Variants in VEPH1 observed in about 807,000 individuals in gnomAD.
VEPH1 encodes the protein ventricular zone expressed PH domain containing 1, also known as ventricular zone-expressed PH domain-containing protein homolog 1.
In VEPH1, 80 loss-of-function variants were observed where a neutral mutation model predicts 85.2. The ratio of observed to expected loss-of-function variants is 0.94; its 90% CI spans 0.78 to 1.13. The LOEUF (loss-of-function observed/expected upper bound fraction) is 1.13, where lower values mean the gene tolerates loss of function less well. Ranked by LOEUF, VEPH1 falls within the 50% of genes most tolerant of loss-of-function variation. VEPH1 has a pLI of 0.00. For missense variants in VEPH1, 955 were observed against 980.5 expected (o/e 0.97, Z 0.35); for synonymous variants, 297 against 348.0 (o/e 0.85, Z 1.63).
At chr3:157,462,121 T>G (rs1306596393) in intron 3 of VEPH1, among the ~76,000 whole-genome samples, 1 of 149,116 alleles carries the variant, frequency 6.7e-6, no homozygotes, top group Non-Finnish European at 1.5e-5. Context: ...TTCCAATCCA[T>G]AAGAAAAAGA....
rs114873062 is a variant in VEPH1 at position 157,498,350 on chromosome 3, G to A, written c.-157-2844C>T. Reference sequence around the variant, plus strand: ...CATCAGGGTGTTTTGAGGGTCACAGGTGATAAAGTGTAAACGAGCCCTTTA... The same window carrying A: ...CATCAGGGTGTTTTGAGGGTCACAGATGATAAAGTGTAAACGAGCCCTTTA... On this transcript the variant is annotated intron_variant, in intron 1 of 13. Coordinates refer to ENST00000362010, the MANE Select transcript of VEPH1 (RefSeq NM_001167912.2). Among the ~76,000 whole-genome samples the A allele has an allele frequency of 2.7e-3, 418 of 152,296 alleles. 1 individual carries two copies. The highest frequency in any genetic ancestry group is 4.3e-3 in the Non-Finnish European group (291 of 68,036).
intron 6 of VEPH1, among the ~76,000 whole-genome samples, chr3:157,396,857 C>T (rs115789080): frequency 0.011 from 1,678 of 152,038 alleles, 15 homozygotes; most frequent in Middle Eastern, 0.054. Context: ...TTTTGTCAGA[C>T]GGATAGATTG....
chr3:157,434,723 T>G (rs1577646246), intron 4 of VEPH1, among the ~76,000 whole-genome samples: 1 of 152,244 alleles, frequency 6.6e-6, no homozygotes, highest in Middle Eastern at 3.2e-3. Flanking sequence ...AATATTGTAC[T>G]TTTAACTTAT....
At chr3:157,499,210 C>T (rs1241821923) in intron 1 of VEPH1, among the ~76,000 whole-genome samples, 1 of 149,220 alleles carries the variant, frequency 6.7e-6, no homozygotes, top group African/African-American at 2.5e-5. Flanking sequence ...CTTCCCTAAT[C>T]TTTAAGGGGT....
At chr3:157,496,081 A>C (rs1171282032) in intron 1 of VEPH1, among the ~76,000 whole-genome samples, 1 of 152,248 alleles carries the variant, frequency 6.6e-6, no homozygotes, top group Non-Finnish European at 1.5e-5. Context: ...AGTAGCAATA[A>C]AATAAAGATG....
chr3:157,261,087 A>G lies in VEPH1; in HGVS notation c.*47T>C. 1 of 1,600,932 alleles carries G rather than the reference A, an allele frequency of 6.2e-7. No homozygotes were observed. Among genetic ancestry groups the G allele is most frequent in the South Asian group, 1.1e-5 (1 of 89,580 alleles). On this transcript the variant is annotated 3_prime_UTR_variant, in exon 14 of 14. Transcript: ENST00000362010. The stretch of plus-strand genomic sequence containing the variant: ...TCTTTTTCTTGACATTGGCAATGAT[A>G]ATACAATGCCTGTGGTGTATAATTG...
chr3:157,421,464 A>T (rs1300125374), intron 5 of VEPH1, among the ~76,000 whole-genome samples: 1 of 152,194 alleles, frequency 6.6e-6, no homozygotes, highest in Non-Finnish European at 1.5e-5. Flanking sequence ...CAGTTTCACA[A>T]AGTCAAAACC....
intron 9 of VEPH1, among the ~76,000 whole-genome samples, chr3:157,354,746 T>C (rs1725243208): frequency 1.3e-5 from 2 of 152,192 alleles, no homozygotes; most frequent in African/African-American, 4.8e-5. Flanking sequence ...AGAGATTTGC[T>C]TTTGTTTGCT....
intron 1 of VEPH1, among the ~76,000 whole-genome samples, chr3:157,502,413 A>G (rs944916622): frequency 2.6e-4 from 40 of 152,216 alleles, no homozygotes; most frequent in African/African-American, 8.9e-4. Context: ...GTGACTTGTC[A>G]TAATTTTATA....
intron 6 of VEPH1, among the ~76,000 whole-genome samples, chr3:157,403,324 C>T (rs963632243): frequency 1.3e-5 from 2 of 152,102 alleles, no homozygotes; most frequent in Non-Finnish European, 2.9e-5. Flanking sequence ...TGTGATATTC[C>T]GTGTAAACCA....
intron 7 of VEPH1, among the ~76,000 whole-genome samples, chr3:157,380,834 C>T (rs1728676663): frequency 6.6e-6 from 1 of 152,198 alleles, no homozygotes; most frequent in African/African-American, 2.4e-5. Context: ...ACATAGTAAG[C>T]TATGTTTGAC....
intron 3 of VEPH1, among the ~76,000 whole-genome samples, chr3:157,467,360 G>A (rs1736487253): frequency 2.0e-5 from 3 of 151,818 alleles, no homozygotes; most frequent in Admixed American, 2.0e-4. Context: ...AGCTAAAAAT[G>A]CTGAGTGTCT....
intron 11 of VEPH1, among the ~76,000 whole-genome samples, chr3:157,296,681 A>C (rs1268674126): frequency 6.6e-6 from 1 of 152,242 alleles, no homozygotes; most frequent in Non-Finnish European, 1.5e-5. Flanking sequence ...GTCTTAGAGA[A>C]TTATTACAGC....
intron 3 of VEPH1, among the ~76,000 whole-genome samples, chr3:157,464,395 A>G (rs918724680): frequency 6.6e-6 from 1 of 152,206 alleles, no homozygotes; most frequent in Non-Finnish European, 1.5e-5. Flanking sequence ...AATGGCATGC[A>G]TGCAGAGAAA....
Position 157,260,690 on chromosome 3 carries a change from GT to G in VEPH1, c.*443del, listed in dbSNP as rs199942467. On this transcript the variant is annotated 3_prime_UTR_variant, in exon 14 of 14. Transcript: ENST00000362010. ...GTACATTAGTTCAACGTTTCTAAAG[GT>G]TTTTTTTTTTAAAGTTTTCTTTTAA... 0.056 allele frequency: 8,345 copies of G among 149,282 alleles called. 655 individuals are homozygous for G. Among genetic ancestry groups the G allele is most frequent in the African/African-American group, 0.18 (7,314 of 40,474 alleles). The allele number at this position is 149,282 out of a possible 1,614,324, so 9.2% of individuals were successfully genotyped here.
At chr3:157,493,295 T>G (rs990322240) in intron 2 of VEPH1, 1 of 456,312 alleles carries the variant, frequency 2.2e-6, no homozygotes, top group Non-Finnish European at 4.4e-6. Flanking sequence ...TCTACGTTTC[T>G]GAAGAGAAAT....
rs377094484 is a variant in VEPH1, at chr3:157,260,326, G to A, written c.*808C>T. 1.2e-4 allele frequency: 19 copies of A among 152,066 alleles called. No homozygotes were observed. The highest frequency in any genetic ancestry group is 4.6e-4 in the African/African-American group (19 of 41,484). 9.4% of individuals were successfully genotyped at this position (152,066 alleles called of 1,614,324 possible). A position where few individuals can be genotyped will look rare whatever the true frequency, so the allele number is the denominator to read the frequency against. On this transcript the variant is annotated 3_prime_UTR_variant, in exon 14 of 14. Coordinates refer to ENST00000362010, the MANE Select transcript of VEPH1 (RefSeq NM_001167912.2). ...AAAAAATAGATGTTTGTAATTTGGA[G>A]GTATTAAAAAGTTGAATACAAAGAA...
At chr3:157,404,157 G>A (rs900763273) in intron 6 of VEPH1, among the ~76,000 whole-genome samples, 5 of 152,050 alleles carry the variant, frequency 3.3e-5, no homozygotes, top group African/African-American at 1.2e-4. Flanking sequence ...GACACTGATG[G>A]TCAGCCAAGT....
chr3:157,315,487 G>A (rs148200520), intron 10 of VEPH1, among the ~76,000 whole-genome samples: 1,734 of 152,036 alleles, frequency 0.011, 93 homozygotes, highest in Admixed American at 0.088. Flanking sequence ...GTGAATTTGG[G>A]AACTTTATAA....
Sources: gnomAD v4.1 joint callset for allele counts (sites outside exome capture counted in the v4.1 genomes callset) on GRCh38, gnomAD v4.1.1 for gene constraint, MANE v1.5 for transcripts, NCBI Gene and HGNC (gene_info 2026-07-23, HGNC 2026-07-21) for gene names.